Variants in TENM2 observed in about 807,000 individuals in gnomAD.
TENM2 encodes the protein teneurin-2.
TENM2 carries 52 observed loss-of-function variants against 245.2 expected under a neutral mutation model. The observed-to-expected ratio is 0.21, with a 90% CI of 0.17 to 0.27. The LOEUF (loss-of-function observed/expected upper bound fraction) is 0.27, where lower values mean the gene tolerates loss of function less well. TENM2 is among the 10% of genes least tolerant of loss of function. The pLI, the probability that TENM2 is intolerant of heterozygous loss-of-function variation, is 1.00. For missense variants in TENM2, 3,046 were observed against 3,666.8 expected, an observed-to-expected ratio of 0.83 and a Z score of 4.37; for synonymous variants, 1,363 against 1,438.9, an observed-to-expected ratio of 0.95 and a Z score of 1.19.
the TENM2 span, among the ~76,000 whole-genome samples, chr5:167,118,273 G>A: frequency 2.0e-5 from 3 of 152,178 alleles, no homozygotes; most frequent in African/African-American, 7.2e-5. Context: ...AACTGACAGA[G>A]GAGAGAGAGA....
At chr5:167,176,985 C>T in the TENM2 span, among the ~76,000 whole-genome samples, 367 of 152,262 alleles carry the variant, frequency 2.4e-3, 1 homozygote, top group African/African-American at 8.4e-3. Context: ...AAAACTGCAA[C>T]GTCAAAGCTT....
intron 1 of TENM2, among the ~76,000 whole-genome samples, chr5:167,339,007 AG>A (rs1364359935): frequency 1.3e-5 from 2 of 152,208 alleles, no homozygotes; most frequent in Non-Finnish European, 2.9e-5. Context: ...TGCCAAGTTT[AG>A]GGGGACACAA....
intron 1 of TENM2, among the ~76,000 whole-genome samples, chr5:167,360,493 T>C (rs1396539143): frequency 6.6e-6 from 1 of 152,188 alleles, no homozygotes; most frequent in Non-Finnish European, 1.5e-5. Flanking sequence ...TCTCTTCTCA[T>C]GTATTCCCAG....
intron 1 of TENM2, among the ~76,000 whole-genome samples, chr5:167,344,309 C>CATATATATATAT (rs1298761207): frequency 3.6e-5 from 3 of 84,502 alleles, no homozygotes; most frequent in African/African-American, 6.6e-5. Flanking sequence ...CACACACACA[C>CATATATATATAT]ATATATATAT....
chr5:167,769,689 C>T (rs879601067), intron 2 of TENM2, among the ~76,000 whole-genome samples: 1 of 152,050 alleles, frequency 6.6e-6, no homozygotes, highest in Admixed American at 6.5e-5. Flanking sequence ...TTTTTCTATA[C>T]TATGTCTGCA....
chr5:167,928,903 A>G (rs1777974259), intron 3 of TENM2, among the ~76,000 whole-genome samples: 1 of 144,744 alleles, frequency 6.9e-6, no homozygotes, highest in African/African-American at 2.7e-5. Flanking sequence ...CTCAAAAAAA[A>G]AAAAAAAAAA....
At position 167,720,756 on chromosome 5, in the gene TENM2, T is replaced by C. The variant is rs144506704; in HGVS notation, c.503-155230T>C. ...GAGACCATAATTTAAATAGAGGTAT[T>C]GGACTGACATCAGAGATTTGAGTGA... On this transcript the variant is annotated intron_variant, in intron 2 of 28. Transcript: ENST00000518659. 5.3e-5 allele frequency among the ~76,000 whole-genome samples: 8 copies of C among 152,350 alleles called. No homozygotes were observed. In the East Asian group the frequency reaches 1.5e-3, roughly 29 times the overall value.
At chr5:167,922,997 TC>T (rs1561938340) in intron 3 of TENM2, among the ~76,000 whole-genome samples, 1 of 152,072 alleles carries the variant, frequency 6.6e-6, no homozygotes, top group South Asian at 2.1e-4. Context: ...TTTAGATGCT[TC>T]CCCCCAGTGC....
chr5:167,448,466 G>A (rs1413071800), intron 2 of TENM2, among the ~76,000 whole-genome samples: 3 of 149,782 alleles, frequency 2.0e-5, no homozygotes, highest in Non-Finnish European at 3.0e-5. Context: ...TAAACATAAC[G>A]GATGCATTTT....
intron 5 of TENM2, among the ~76,000 whole-genome samples, chr5:167,996,443 A>G (rs1471927544): frequency 6.6e-6 from 1 of 152,164 alleles, no homozygotes; most frequent in African/African-American, 2.4e-5. Flanking sequence ...TGGCACAAAC[A>G]ATTCCTAGGG....
At chr5:167,998,817 G>A (rs148283465) in intron 5 of TENM2, among the ~76,000 whole-genome samples, 1 of 152,244 alleles carries the variant, frequency 6.6e-6, no homozygotes, top group African/African-American at 2.4e-5. Context: ...GAAAGAACGC[G>A]GGCCATCAAC....
At position 168,077,428 on chromosome 5, in the gene TENM2, CT is replaced by C. The variant is rs796531880; in HGVS notation, c.1516-13135del. 4.8e-3 allele frequency among the ~76,000 whole-genome samples: 704 copies of C among 146,878 alleles called. 5 individuals are homozygous for C. The highest frequency in any genetic ancestry group is 0.013 in the African/African-American group (524 of 40,170). ...CAGTGAAACAGACAAGTCTCCCACTCTTTTTTTTTTTAATTATACTTTAAAT... is the reference window on the plus strand; with the variant it reads ...CAGTGAAACAGACAAGTCTCCCACTCTTTTTTTTTTAATTATACTTTAAAT... On this transcript the variant is annotated intron_variant, in intron 7 of 28. Transcript: ENST00000518659.
At chr5:167,906,185 TA>T (rs546903263) in intron 3 of TENM2, among the ~76,000 whole-genome samples, 1 of 151,822 alleles carries the variant, frequency 6.6e-6, no homozygotes, top group African/African-American at 2.4e-5. Context: ...GAGGTTATTT[TA>T]AAAAAAATAA....
At position 167,475,516 on chromosome 5, in the gene TENM2, T is replaced by C. The variant is rs185206955; in HGVS notation, c.502+100043T>C. 4.2e-3 allele frequency among the ~76,000 whole-genome samples: 641 copies of C among 152,298 alleles called. 7 individuals carry two copies. Among genetic ancestry groups the C allele is most frequent in the African/African-American group, 0.015 (605 of 41,550 alleles). On this transcript the variant is annotated intron_variant, in intron 2 of 28. Coordinates refer to ENST00000518659, the Ensembl canonical transcript of TENM2. ...TTTTTACTTTAAGTTCTGGGATACA[T>C]GTGCTGAACGTGCGGGTTTGTTACA...
At chr5:168,158,850 T>TATATATATACACACAC (rs1339051385) in intron 12 of TENM2, among the ~76,000 whole-genome samples, 2 of 62,338 alleles carry the variant, frequency 3.2e-5, no homozygotes, top group African/African-American at 1.2e-4. Flanking sequence ...TATATATATA[T>TATATATATACACACAC]ACACACACAC....
At chr5:166,982,325 C>A in the TENM2 span, among the ~76,000 whole-genome samples, 1 of 152,070 alleles carries the variant, frequency 6.6e-6, no homozygotes, top group Non-Finnish European at 1.5e-5. Context: ...TATGCTATAG[C>A]TACTGAATGT....
intron 28 of TENM2, among the ~76,000 whole-genome samples, chr5:168,260,758 G>A (rs1373741629): frequency 2.0e-5 from 3 of 152,068 alleles, no homozygotes. Flanking sequence ...AGCTTTTATG[G>A]GATGTCATAA....
At chr5:167,781,950 T>C (rs1042398091) in intron 2 of TENM2, among the ~76,000 whole-genome samples, 10 of 151,536 alleles carry the variant, frequency 6.6e-5, no homozygotes, top group African/African-American at 1.9e-4. Flanking sequence ...TCAAGGTGCA[T>C]GAGCCATGAT....
intron 2 of TENM2, among the ~76,000 whole-genome samples, chr5:167,680,281 G>GGAAAAATT (rs1756614925): frequency 6.7e-6 from 1 of 149,536 alleles, no homozygotes; most frequent in Non-Finnish European, 1.5e-5. Context: ...GGGACTTTTG[G>GGAAAAATT]GAAAAATTAT....
Sources: gnomAD v4.1 joint callset for allele counts (sites outside exome capture counted in the v4.1 genomes callset) on GRCh38, gnomAD v4.1.1 for gene constraint, MANE v1.5 for transcripts, NCBI Gene and HGNC (gene_info 2026-07-23, HGNC 2026-07-21) for gene names.